BCL7A: variants seen among roughly 807,000 people sequenced by gnomAD.
The protein encoded by BCL7A is B-cell CLL/lymphoma 7 protein family member A.
In BCL7A, 11 loss-of-function variants were observed where a neutral mutation model predicts 28.4. The ratio of observed to expected loss-of-function variants is 0.39; its 90% CI spans 0.24 to 0.64. BCL7A has a LOEUF of 0.64. Ranked by LOEUF, BCL7A falls within the 30% of genes least tolerant of loss-of-function variation. The pLI, the probability that BCL7A is intolerant of heterozygous loss-of-function variation, is 0.50. For synonymous variants in BCL7A, 123 were observed against 103.3 expected (o/e 1.19, Z -1.15); for missense variants, 222 against 274.8 (o/e 0.81, Z 1.36).
chr12:122,035,038 A>G (rs545032434), intron 2 of BCL7A, among the ~76,000 whole-genome samples: 78 of 152,234 alleles, frequency 5.1e-4, no homozygotes, highest in African/African-American at 1.7e-3. Flanking sequence ...GTGTTTCCAC[A>G]CTGCTGCTGA....
chr12:122,047,573 G>A (rs1884103348), intron 4 of BCL7A, among the ~76,000 whole-genome samples: 1 of 152,066 alleles, frequency 6.6e-6, no homozygotes, highest in African/African-American at 2.4e-5. Flanking sequence ...TGCCCAGGCT[G>A]GAGTGCAGTG....
intron 2 of BCL7A, among the ~76,000 whole-genome samples, chr12:122,031,857 C>T (rs927522138): frequency 4.6e-5 from 7 of 152,218 alleles, no homozygotes; most frequent in Admixed American, 2.6e-4. Context: ...CTCCCAACTT[C>T]GTGGTTCCCA....
chr12:122,039,526 TATATA>T (rs1236532720), intron 3 of BCL7A, among the ~76,000 whole-genome samples: 13 of 142,110 alleles, frequency 9.1e-5, no homozygotes, highest in African/African-American at 3.4e-4. Flanking sequence ...TTATATATAT[TATATA>T]ATATAATATA....
At chr12:122,037,553 C>T (rs1238170714) in intron 3 of BCL7A, among the ~76,000 whole-genome samples, 1 of 152,182 alleles carries the variant, frequency 6.6e-6, no homozygotes, top group African/African-American at 2.4e-5. Context: ...GGCGGTGGCT[C>T]ATGCCTGTAA....
chr12:122,030,999 G>C (rs577052895), intron 2 of BCL7A, among the ~76,000 whole-genome samples: 2 of 152,172 alleles, frequency 1.3e-5, no homozygotes, highest in East Asian at 3.9e-4. Context: ...GGTGGACGGG[G>C]GGATCCCGCA....
chr12:122,035,632 CAT>C (rs1883835437), intron 3 of BCL7A, among the ~76,000 whole-genome samples: 1 of 152,242 alleles, frequency 6.6e-6, no homozygotes, highest in African/African-American at 2.4e-5. Flanking sequence ...AGCCAAGAGA[CAT>C]AAACTAAGCC....
chr12:122,047,064 C>T lies in BCL7A; in HGVS notation c.439+3011C>T, dbSNP rs150040882. 6.8e-3 allele frequency among the ~76,000 whole-genome samples: 1,036 copies of T among 151,820 alleles called. 14 individuals are homozygous for T. The highest frequency in any genetic ancestry group is 0.024 in the African/African-American group (989 of 41,438). Reference sequence around the variant, plus strand: ...GTTTACAGGCGTGCACCACCACGCCCGGCTAATTTTTGTATTTTTAGTAGA... The same window carrying T: ...GTTTACAGGCGTGCACCACCACGCCTGGCTAATTTTTGTATTTTTAGTAGA... On this transcript the variant is annotated intron_variant, in intron 4 of 5. Coordinates refer to ENST00000261822, the MANE Select transcript of BCL7A (RefSeq NM_001024808.3).
chr12:122,021,888 TG>T lies in BCL7A; in HGVS notation c.-201del, dbSNP rs1465726428. The stretch of plus-strand genomic sequence containing the variant: ...CAGCTGCCGCCCGGCGCTTGCGCAC[TG>T]GGCCAGGCGCGCGGCGGCCCCGGGC... On this transcript the variant is annotated 5_prime_UTR_variant, in exon 1 of 6. Transcript: ENST00000261822. 1 of 367,514 alleles carries T rather than the reference TG, an allele frequency of 2.7e-6. No individual in the cohort carries two copies. The highest frequency in any genetic ancestry group is 5.0e-6 in the Non-Finnish European group (1 of 199,278). 22.8% of individuals were successfully genotyped at this position (367,514 alleles called of 1,614,324 possible).
At position 122,022,183 on chromosome 12, in the gene BCL7A, G is replaced by C; in HGVS notation, c.92G>C (p.Trp31Ser). 1 of 1,494,548 alleles carries C rather than the reference G, an allele frequency of 6.7e-7. No individual in the cohort carries two copies. The highest frequency in any genetic ancestry group is 9.0e-7 in the Non-Finnish European group (1 of 1,117,224). 92.6% of individuals were successfully genotyped at this position (1,494,548 alleles called of 1,614,324 possible). A position where few individuals can be genotyped will look rare whatever the true frequency, so the allele number is the denominator to read the frequency against. ...VMAAIEKVRK[W>S]EKKWVTVGDT... ...GCGGCGATCGAGAAAGTGCGCAAAT[G>C]GTAAGCGGAGGCGCCCGCCGCCAGC... Residue 31 changes from tryptophan (W) to serine (S), a missense_variant and splice_region_variant, in exon 1 of 6, where the codon TGG becomes TCG. Around this residue, in one of 2 missense-constraint regions of BCL7A, gnomAD observed 67 missense variants for 129.1 expected, o/e 0.52. Transcript: ENST00000261822.
rs879517274 is a variant in BCL7A, at chr12:122,059,405, C to G, written c.*242C>G. ...TCCTTGGGGAGGCAGGCGGGGCTGA[C>G]AGCTCAGGAGTGTCTGCACACTGTC... On this transcript the variant is annotated 3_prime_UTR_variant, in exon 6 of 6. Coordinates refer to ENST00000261822, the MANE Select transcript of BCL7A (RefSeq NM_001024808.3). The surrounding 1 kb of genome is among the most constrained non-coding windows in gnomAD (Gnocchi z 4.0). 2 of 463,240 alleles carry G rather than the reference C, an allele frequency of 4.3e-6. No homozygotes were observed. Among genetic ancestry groups the G allele is most frequent in the Non-Finnish European group, 7.9e-6 (2 of 253,254 alleles). The allele number at this position is 463,240 out of a possible 1,614,324, so 28.7% of individuals were successfully genotyped here.
At position 122,031,252 on chromosome 12, in the gene BCL7A, C is replaced by T. The variant is rs140098117; in HGVS notation, c.174+471C>T. On this transcript the variant is annotated intron_variant, in intron 2 of 5. Coordinates refer to ENST00000261822, the MANE Select transcript of BCL7A (RefSeq NM_001024808.3). ...CCGTGTTGGCCAGGCTCGTCTTGAA[C>T]TCCTGACCTCGGGTGATCCACCTGC... is the stretch of plus-strand genomic sequence containing the variant. Among the ~76,000 whole-genome samples, 98 of 152,298 alleles carry T rather than the reference C, an allele frequency of 6.4e-4. 1 individual carries two copies. In the East Asian group the frequency reaches 0.012, roughly 19 times the overall value.
chr12:122,026,482 C>T, intron 1 of BCL7A, among the ~76,000 whole-genome samples: 1 of 152,206 alleles, frequency 6.6e-6, no homozygotes, highest in East Asian at 1.9e-4. Context: ...CCCAGGACCC[C>T]TTAGCACCTG....
At chr12:122,052,678 G>GT (rs1884215118) in intron 4 of BCL7A, among the ~76,000 whole-genome samples, 1 of 151,516 alleles carries the variant, frequency 6.6e-6, no homozygotes, top group Admixed American at 6.6e-5. Context: ...TTATTGTTTT[G>GT]TTTTTTGTTT....
intron 1 of BCL7A, among the ~76,000 whole-genome samples, chr12:122,023,937 G>A (rs1883544631): frequency 6.6e-6 from 1 of 152,320 alleles, no homozygotes; most frequent in Admixed American, 6.5e-5. Context: ...GCCTTTCTCT[G>A]CTCGAGGAGG....
intron 3 of BCL7A, among the ~76,000 whole-genome samples, chr12:122,041,235 C>T (rs1883960565): frequency 6.6e-6 from 1 of 152,102 alleles, no homozygotes; most frequent in Non-Finnish European, 1.5e-5. Flanking sequence ...TCAGTTTCCC[C>T]CTCCGGAAAG....
rs1323349193 is a variant in BCL7A at position 122,054,803 on chromosome 12, A to G, written c.440-2A>G. The G allele has an allele frequency of 6.2e-7, 1 of 1,613,046 alleles. No homozygotes were observed. The highest frequency in any genetic ancestry group is 8.5e-7 in the Non-Finnish European group (1 of 1,179,240). ...GCTCCTGTCGTCTTGCTCTTCCCTC[A>G]GATGCTTCTGATGAGCAGAATTCAC... On this transcript the variant is annotated splice_acceptor_variant, in intron 4 of 5. Transcript: ENST00000261822. LOFTEE classifies it high-confidence loss of function.
intron 2 of BCL7A, among the ~76,000 whole-genome samples, chr12:122,034,594 G>T (rs958496559): frequency 6.6e-6 from 1 of 151,688 alleles, no homozygotes; most frequent in Non-Finnish European, 1.5e-5. Flanking sequence ...AAATTAGCCG[G>T]GTGTGGTGGC....
At chr12:122,024,178 T>C (rs1026845023) in intron 1 of BCL7A, among the ~76,000 whole-genome samples, 1 of 152,222 alleles carries the variant, frequency 6.6e-6, no homozygotes, top group East Asian at 1.9e-4. Context: ...CCTCCCTGGG[T>C]TTGGGGAAAC....
At chr12:122,032,861 C>A (rs1353866515) in intron 2 of BCL7A, among the ~76,000 whole-genome samples, 3 of 152,174 alleles carry the variant, frequency 2.0e-5, no homozygotes, top group Non-Finnish European at 4.4e-5. Context: ...ACCCCCTTTC[C>A]CTCTAGGGCG....
Sources: gnomAD v4.1 joint callset for allele counts (sites outside exome capture counted in the v4.1 genomes callset) on GRCh38, gnomAD v4.1.1 for gene constraint, gnomAD v4.1.1 regional missense constraint, Gnocchi (gnomAD v3.1) non-coding constraint, MANE v1.5 for transcripts, NCBI Gene and HGNC (gene_info 2026-07-23, HGNC 2026-07-21) for gene names.